Variants in NR1I2 observed in about 807,000 individuals in gnomAD.
NR1I2 encodes the protein nuclear receptor subfamily 1 group I member 2.
NR1I2 carries 42 observed loss-of-function variants against 43.3 expected under a neutral mutation model. The ratio of observed to expected loss-of-function variants is 0.97; its 90% CI spans 0.76 to 1.26. The LOEUF (loss-of-function observed/expected upper bound fraction) is 1.26. Among genes scored for constraint, NR1I2 ranks in the 50% most tolerant of loss-of-function variants. The pLI is 0.00. For missense variants in NR1I2, 559 were observed against 566.7 expected (o/e 0.99, Z 0.14); for synonymous variants, 229 against 215.0 (o/e 1.06, Z -0.57).
chr3:119,784,996 T>C (rs2054824749), intron 1 of NR1I2, among the ~76,000 whole-genome samples: 1 of 152,254 alleles, frequency 6.6e-6, no homozygotes, highest in African/African-American at 2.4e-5. Context: ...GAATTTCTAG[T>C]TAGACAAACA....
At chr3:119,815,971 A>G in intron 8 of NR1I2, 140 bp downstream of exon 8, 1 of 728,908 alleles carries the variant, frequency 1.4e-6, no homozygotes, top group Non-Finnish European at 2.4e-6. Context: ...CACACTTTTG[A>G]GCACTACCTA....
chr3:119,791,555 A>G (rs1316585646), intron 1 of NR1I2, among the ~76,000 whole-genome samples: 2 of 152,174 alleles, frequency 1.3e-5, no homozygotes, highest in East Asian at 1.9e-4. Flanking sequence ...AAGTTACTTG[A>G]TGGGTCTCTT....
At chr3:119,809,298 G>A (rs551242617) in intron 2 of NR1I2, among the ~76,000 whole-genome samples, 1 of 152,180 alleles carries the variant, frequency 6.6e-6, no homozygotes, top group East Asian at 1.9e-4. Flanking sequence ...TCTTGTACCA[G>A]AGTCTCCAAA....
chr3:119,813,937 CAGAT>C (rs2055281922), intron 5 of NR1I2, among the ~76,000 whole-genome samples: 1 of 152,150 alleles, frequency 6.6e-6, no homozygotes, highest in Non-Finnish European at 1.5e-5. Flanking sequence ...TCTTCATTCT[CAGAT>C]AGAAACTGAA....
intron 5 of NR1I2, 75 bp downstream of exon 5, chr3:119,813,035 A>G: frequency 1.3e-6 from 2 of 1,514,446 alleles, no homozygotes; most frequent in Non-Finnish European, 9.1e-7. Context: ...GGCCTGGGGT[A>G]GATCCTGAAT....
chr3:119,815,336 A>C lies in NR1I2; in HGVS notation c.951A>C (p.Gln317His). The change falls in exon 7 of 9, where the codon CAA (glutamine) becomes CAC (histidine). Residue 317 changes from glutamine to histidine, a missense_variant. Coordinates refer to ENST00000393716, the MANE Select transcript of NR1I2 (RefSeq NM_003889.4). ...TACCATCCACAGGTGGCTTCCAGCA[A>C]CTTCTACTGGAGCCCATGCTGAAAT... 1 of 1,613,900 alleles carries C rather than the reference A, an allele frequency of 6.2e-7. No homozygotes were observed. Among genetic ancestry groups the C allele is most frequent in the East Asian group, 2.2e-5 (1 of 44,870 alleles).
At chr3:119,808,559 C>G (rs898013861) in intron 2 of NR1I2, among the ~76,000 whole-genome samples, 1 of 152,246 alleles carries the variant, frequency 6.6e-6, no homozygotes, top group Non-Finnish European at 1.5e-5. Flanking sequence ...AAGCAGTGTT[C>G]GTGCATCCTG....
At chr3:119,786,959 T>C (rs930803978) in intron 1 of NR1I2, among the ~76,000 whole-genome samples, 35 of 152,178 alleles carry the variant, frequency 2.3e-4, no homozygotes, top group African/African-American at 8.0e-4. Flanking sequence ...CATGTATCTA[T>C]TTACATGACA....
chr3:119,801,057 A>G (rs2055072738), intron 1 of NR1I2, among the ~76,000 whole-genome samples: 1 of 152,186 alleles, frequency 6.6e-6, no homozygotes, highest in Non-Finnish European at 1.5e-5. Context: ...ACTCACCTGA[A>G]GAGGAGAGGG....
rs1169152470 is a variant in NR1I2 at position 119,810,080 on chromosome 3, G to T, written c.217G>T (p.Ala73Ser). The T allele has an allele frequency of 2.5e-6, 4 of 1,613,778 alleles. No homozygotes were observed. The East Asian group carries it at 6.7e-5, about 27-fold the overall frequency. Residue 73 changes from alanine to serine, a missense_variant, in exon 3 of 9, where the codon GCC (alanine) becomes TCC (serine). By Grantham distance (99) the Ala-to-Ser change is moderately conservative. Transcript: ENST00000393716. ...TCACAGGAGGGCCATGAAACGCAAC[G>T]CCCGGCTGAGGTGCCCCTTCCGGAA...
At chr3:119,813,902 A>C (rs2055281163) in intron 5 of NR1I2, among the ~76,000 whole-genome samples, 1 of 152,186 alleles carries the variant, frequency 6.6e-6, no homozygotes, top group African/African-American at 2.4e-5. Flanking sequence ...AATGTCGAGC[A>C]CAGTGACCTG....
intron 4 of NR1I2, 55 bp from the exon 5 acceptor site, chr3:119,812,631 G>A: frequency 1.2e-6 from 2 of 1,608,742 alleles, no homozygotes; most frequent in South Asian, 1.1e-5. Flanking sequence ...GTTGGGACCT[G>A]TCTATGAAAG....
chr3:119,791,821 A>G (rs1473707766), intron 1 of NR1I2: 8 of 515,706 alleles, frequency 1.6e-5, no homozygotes, highest in Admixed American at 6.6e-5. Flanking sequence ...AGAAGAAAAC[A>G]TAGCTGCCAA....
rs56150145 is a variant in NR1I2 at position 119,810,411 on chromosome 3, C to T, written c.331+217C>T. 9.2e-3 allele frequency: 6,038 copies of T among 654,088 alleles called. 40 individuals carry two copies. Among genetic ancestry groups the T allele is most frequent in the Non-Finnish European group, 0.012 (4,669 of 385,198 alleles). The allele number at this position is 654,088 out of a possible 1,614,324, so 40.5% of individuals were successfully genotyped here. On this transcript the variant is annotated intron_variant, in intron 3 of 8. Coordinates refer to ENST00000393716, the MANE Select transcript of NR1I2 (RefSeq NM_003889.4). ...ATGGAGGGAGTCGGTAATCTCTGCCCTGGGATGTGTGCTGGGCAGCCCTGG... is the reference window on the plus strand; with the variant it reads ...ATGGAGGGAGTCGGTAATCTCTGCCTTGGGATGTGTGCTGGGCAGCCCTGG...
At chr3:119,805,706 C>CG (rs2055147907) in intron 1 of NR1I2, among the ~76,000 whole-genome samples, 1 of 31,882 alleles carries the variant, frequency 3.1e-5, no homozygotes, top group African/African-American at 4.7e-5. Context: ...TGGTCCCCCC[C>CG]TCCCCCCCAC....
chr3:119,789,976 T>A (rs1185937552), intron 1 of NR1I2, among the ~76,000 whole-genome samples: 1 of 152,200 alleles, frequency 6.6e-6, no homozygotes, highest in Non-Finnish European at 1.5e-5. Context: ...ATCTTAAGCA[T>A]TTCTAAGTGT....
chr3:119,809,988 G>A, intron 2 of NR1I2, 73 bp from the exon 3 acceptor site: 1 of 1,594,724 alleles, frequency 6.3e-7, no homozygotes, highest in Non-Finnish European at 8.6e-7. Context: ...GAGGGAGGTG[G>A]TATGGCCCGG....
intron 1 of NR1I2, among the ~76,000 whole-genome samples, chr3:119,795,918 C>G (rs2054992734): frequency 6.6e-6 from 1 of 152,206 alleles, no homozygotes. Context: ...AAGATGACCA[C>G]TTCCCATGTC....
rs2055313782 is a variant in NR1I2 at position 119,815,562 on chromosome 3, T to A, written c.1054+123T>A. The A allele has an allele frequency of 1.4e-5, 15 of 1,045,284 alleles. 1 individual carries two copies. In the South Asian group the frequency reaches 2.0e-4, roughly 14 times the overall value. The allele number at this position is 1,045,284 out of a possible 1,614,324, so 64.8% of individuals were successfully genotyped here. On this transcript the variant is annotated intron_variant, in intron 7 of 8. Transcript: ENST00000393716. The stretch of plus-strand genomic sequence containing the variant: ...CAGCCAGGATGGGGGCTCTCGCTGG[T>A]TTCTCCTGGGGTCAGTGGGTGATGC...
Sources: gnomAD v4.1 joint callset for allele counts (sites outside exome capture counted in the v4.1 genomes callset) on GRCh38, gnomAD v4.1.1 for gene constraint, MANE v1.5 for transcripts, NCBI Gene and HGNC (gene_info 2026-07-23, HGNC 2026-07-21) for gene names.